Variants in ADAMTS9 observed in about 807,000 individuals in gnomAD.
ADAMTS9 encodes the protein ADAM metallopeptidase with thrombospondin type 1 motif 9.
A neutral mutation model predicts 257.1 loss-of-function variants in ADAMTS9; 107 were observed. The observed-to-expected ratio is 0.42, with a 90% CI of 0.36 to 0.49. The LOEUF is 0.49. ADAMTS9 is among the 20% of genes least tolerant of loss of function. ADAMTS9 has a pLI of 0.03. For synonymous variants in ADAMTS9, 982 were observed against 880.9 expected (o/e 1.11, Z -2.03); for missense variants, 2,353 against 2,469.1 (o/e 0.95, Z 1.00).
intron 29 of ADAMTS9, 67 bp downstream of exon 29, chr3:64,568,301 A>G (rs1459322703): frequency 1.3e-6 from 2 of 1,530,562 alleles, no homozygotes; most frequent in East Asian, 4.6e-5. Context: ...AACACAAGTG[A>G]ACACACTGGG....
In ADAMTS9 at chr3:64,561,572, A is replaced by G. The variant is rs370056695; in HGVS notation, c.4698+6T>C. The G allele has an allele frequency of 1.7e-5, 28 of 1,611,400 alleles. No homozygotes were observed. The African/African-American group carries it at 3.7e-4, about 22-fold the overall frequency. Reference sequence around the variant, plus strand: ...CTGGCAGGTACCCCTTTGTGGCTCTACTTACTTCTTGCCATTCCTCTGCCC... The same window carrying G: ...CTGGCAGGTACCCCTTTGTGGCTCTGCTTACTTCTTGCCATTCCTCTGCCC... On this transcript the variant is annotated splice_donor_region_variant and intron_variant, in intron 30 of 39. Coordinates refer to ENST00000498707, the MANE Select transcript of ADAMTS9 (RefSeq NM_182920.2).
At chr3:64,553,866 G>C (rs2083299264) in intron 30 of ADAMTS9, among the ~76,000 whole-genome samples, 1 of 152,040 alleles carries the variant, frequency 6.6e-6, no homozygotes, top group Non-Finnish European at 1.5e-5. Context: ...TAGCTCAGTG[G>C]TTTTGGGGTT....
chr3:64,545,320 G>A (rs1208004163), intron 32 of ADAMTS9, among the ~76,000 whole-genome samples: 2 of 152,182 alleles, frequency 1.3e-5, no homozygotes, highest in Non-Finnish European at 2.9e-5. Context: ...TATGTTTATT[G>A]TGGCACTATT....
chr3:64,614,723 T>C (rs1302571598), intron 21 of ADAMTS9: 1 of 151,734 alleles, frequency 6.6e-6, no homozygotes, highest in African/African-American at 2.4e-5. Context: ...GCATCTTCTT[T>C]CTCTTGTTGT....
At chr3:64,581,080 G>A (rs1259234741) in intron 28 of ADAMTS9, among the ~76,000 whole-genome samples, 1 of 152,200 alleles carries the variant, frequency 6.6e-6, no homozygotes, top group Non-Finnish European at 1.5e-5. Flanking sequence ...AGGATTATAA[G>A]AGGATTGGCA....
chr3:64,528,847 T>C lies in ADAMTS9; in HGVS notation c.5718+4319A>G, dbSNP rs1233117215. Among the ~76,000 whole-genome samples the C allele has an allele frequency of 3.9e-5, 6 of 152,184 alleles. No individual in the cohort carries two copies. In the East Asian group the frequency reaches 1.2e-3, roughly 29 times the overall value. ...GCCACTACAGTCCCCATTTTATAGATGAACAAACTGAGTCCCCCCTCTCCC... is the reference window on the plus strand; with the variant it reads ...GCCACTACAGTCCCCATTTTATAGACGAACAAACTGAGTCCCCCCTCTCCC... On this transcript the variant is annotated intron_variant, in intron 38 of 39. Transcript: ENST00000498707.
chr3:64,519,727 CA>C (rs2082826389), intron 39 of ADAMTS9, among the ~76,000 whole-genome samples: 1 of 152,074 alleles, frequency 6.6e-6, no homozygotes. Flanking sequence ...GCAGAAAAAG[CA>C]TTAGATAAAA....
intron 22 of ADAMTS9, among the ~76,000 whole-genome samples, chr3:64,609,420 C>T (rs549888004): frequency 2.0e-5 from 3 of 151,870 alleles, no homozygotes; most frequent in African/African-American, 7.3e-5. Context: ...AGCTAATAAA[C>T]AAATTTAGCA....
At chr3:64,534,733 G>A (rs1262398145) in intron 37 of ADAMTS9, among the ~76,000 whole-genome samples, 1 of 151,446 alleles carries the variant, frequency 6.6e-6, no homozygotes, top group Admixed American at 6.6e-5. Flanking sequence ...GACCCCAGGG[G>A]AAATCTGGCA....
chr3:64,522,124 T>A lies in ADAMTS9; in HGVS notation c.*5+42A>T, dbSNP rs201129540. On this transcript the variant is annotated intron_variant, in intron 39 of 39. Transcript: ENST00000498707. ...TGCTCATATAGGCTACAGAAAAAAA[T>A]AAAAGACAAATACACAGACAGACAG... 7.4e-5 allele frequency: 117 copies of A among 1,580,120 alleles called. 2 individuals are homozygous for A. In the East Asian group the frequency reaches 2.2e-3, roughly 29 times the overall value.
At chr3:64,632,847 A>G (rs1700402889) in intron 14 of ADAMTS9, among the ~76,000 whole-genome samples, 1 of 151,564 alleles carries the variant, frequency 6.6e-6, no homozygotes, top group African/African-American at 2.4e-5. Context: ...AAAAACAAAC[A>G]AAAAAAACAA....
At chr3:64,558,088 C>T (rs901951488) in intron 30 of ADAMTS9, among the ~76,000 whole-genome samples, 2 of 152,040 alleles carry the variant, frequency 1.3e-5, no homozygotes, top group African/African-American at 4.8e-5. Context: ...TGTTACAACC[C>T]AGTAAAGGGA....
chr3:64,656,266 C>A (rs1310840687), intron 4 of ADAMTS9, among the ~76,000 whole-genome samples: 1 of 152,132 alleles, frequency 6.6e-6, no homozygotes, highest in Admixed American at 6.6e-5. Context: ...TGTTTGCCAC[C>A]CATTGTGTCC....
intron 32 of ADAMTS9, among the ~76,000 whole-genome samples, chr3:64,542,706 C>A (rs9311894): frequency 0.23 from 35,535 of 151,918 alleles, 5,793 homozygotes; most frequent in African/African-American, 0.45. Flanking sequence ...ATTGAAAGAA[C>A]TAGAGAAGCA....
intron 22 of ADAMTS9, among the ~76,000 whole-genome samples, chr3:64,608,244 C>A (rs1437290371): frequency 8.2e-5 from 5 of 61,316 alleles, no homozygotes; most frequent in East Asian, 4.1e-4. Flanking sequence ...ACAAAATTAA[C>A]AGCAAACTAA....
intron 28 of ADAMTS9, among the ~76,000 whole-genome samples, chr3:64,586,057 A>C (rs1029888072): frequency 3.3e-5 from 5 of 152,142 alleles, no homozygotes; most frequent in African/African-American, 1.2e-4. Flanking sequence ...ATCTTGGCTT[A>C]AACCACTAGC....
At position 64,541,169 on chromosome 3, in the gene ADAMTS9, C is replaced by T. The variant is rs1182310545; in HGVS notation, c.5447G>A (p.Arg1816Gln). Residue 1816 changes from arginine to glutamine, a missense_variant, in exon 36 of 40, where the codon CGG becomes CAG. Physicochemically the swap from Arg to Gln is conservative, Grantham distance 43 (BLOSUM62 1). Around this residue, in one of 3 missense-constraint regions of ADAMTS9, gnomAD observed 1,402 missense variants for 1,441.4 expected, o/e 0.97. Coordinates refer to ENST00000498707, the MANE Select transcript of ADAMTS9 (RefSeq NM_182920.2). ...NGSRRDDCQC[R>Q]KDYTAAGFSS... ...AAACCCAGCGGCCGTGTAATCCTTC[C>T]GACATTGGCAGTCATCGCGCCGGCT... 5 of 1,614,180 alleles carry T rather than the reference C, an allele frequency of 3.1e-6. No homozygotes were observed. The highest frequency in any genetic ancestry group is 1.1e-5 in the South Asian group (1 of 91,084).
intron 28 of ADAMTS9, among the ~76,000 whole-genome samples, chr3:64,578,221 C>T (rs1378774775): frequency 2.0e-5 from 3 of 151,928 alleles, no homozygotes; most frequent in African/African-American, 7.3e-5. Context: ...AGCACACAGT[C>T]ACTCTCAATA....
Position 64,593,961 on chromosome 3 carries a change from A to G in ADAMTS9, c.4356+297T>C, listed in dbSNP as rs978532434. Among the ~76,000 whole-genome samples the G allele has an allele frequency of 1.2e-3, 126 of 108,296 alleles. 2 individuals are homozygous for G. The highest frequency in any genetic ancestry group is 6.6e-3 in the African/African-American group (106 of 15,986). 71.0% of individuals were successfully genotyped at this position (108,296 alleles called of 152,430 possible). ...ATCACTATGTATGTGTGTGTGTATG[A>G]TGTGTGTGTGTGTGTGTGTGTGTGT... On this transcript the variant is annotated intron_variant, in intron 28 of 39. Transcript: ENST00000498707.
Sources: gnomAD v4.1 joint callset for allele counts (sites outside exome capture counted in the v4.1 genomes callset) on GRCh38, gnomAD v4.1.1 for gene constraint, gnomAD v4.1.1 regional missense constraint, MANE v1.5 for transcripts, NCBI Gene and HGNC (gene_info 2026-07-23, HGNC 2026-07-21) for gene names.